The following LYPD8 variants were observed in gnomAD, a reference collection of about 807,000 sequenced individuals.
LYPD8 encodes LY6/PLAUR domain containing 8, also known as ly6/PLAUR domain-containing protein 8.
In LYPD8, 8 loss-of-function variants were observed where a neutral mutation model predicts 1.7. The ratio of observed to expected loss-of-function variants is 4.58; its 90% confidence interval spans 2.69 to 8.27. LYPD8 has a LOEUF of 8.27. Ranked by LOEUF, LYPD8 falls within the 30% of genes most tolerant of loss-of-function variation. The pLI is 0.00. For synonymous variants in LYPD8, 50 were observed against 43.6 expected (o/e 1.15, Z -0.58); for missense variants, 112 against 102.3 (o/e 1.09, Z -0.41).
intron 2 of LYPD8, among the ~76,000 whole-genome samples, chr1:248,752,874 ACC>A (rs1662837600): frequency 9.4e-6 from 1 of 105,852 alleles, no homozygotes; most frequent in Non-Finnish European, 1.8e-5. Flanking sequence ...CACACCACAC[ACC>A]CCACACAACA....
chr1:248,746,045 T>G (rs1662722410), intron 5 of LYPD8, among the ~76,000 whole-genome samples: 1 of 152,212 alleles, frequency 6.6e-6, no homozygotes, highest in East Asian at 1.9e-4. Flanking sequence ...ACTAAAGAAT[T>G]TCCAAAAGGT....
chr1:248,740,715 CATGAAG>C (rs1662578400), intron 6 of LYPD8, among the ~76,000 whole-genome samples: 1 of 150,548 alleles, frequency 6.6e-6, no homozygotes, highest in Non-Finnish European at 1.5e-5. Flanking sequence ...TAGGACCAGG[CATGAAG>C]CAGGGCCACA....
At chr1:248,749,612 A>T (rs1394403370) in intron 4 of LYPD8, among the ~76,000 whole-genome samples, 2 of 152,064 alleles carry the variant, frequency 1.3e-5, no homozygotes, top group Non-Finnish European at 2.9e-5. Flanking sequence ...CCTTTTTATC[A>T]GGAACCCACC....
intron 4 of LYPD8, among the ~76,000 whole-genome samples, 187 bp from the exon 5 acceptor site, chr1:248,748,640 C>G (rs1662750666): frequency 6.6e-6 from 1 of 152,216 alleles, no homozygotes; most frequent in Non-Finnish European, 1.5e-5. Flanking sequence ...GGTAACCCCT[C>G]CTTTGAGCAG....
intron 6 of LYPD8, among the ~76,000 whole-genome samples, chr1:248,742,915 CGGGGG>C (rs1662639715): frequency 2.9e-4 from 22 of 76,988 alleles, no homozygotes; most frequent in South Asian, 2.0e-3. Flanking sequence ...ATGTTGGCAG[CGGGGG>C]AGATTATGCT....
At chr1:248,753,537 C>CAA (rs1572156874) in intron 2 of LYPD8, among the ~76,000 whole-genome samples, 20 of 120,004 alleles carry the variant, frequency 1.7e-4, no homozygotes, top group South Asian at 2.8e-4. Context: ...ACACAACACA[C>CAA]CACATCACAC....
chr1:248,749,126 C>G (rs1572155173), intron 4 of LYPD8, among the ~76,000 whole-genome samples: 1 of 152,166 alleles, frequency 6.6e-6, no homozygotes. Flanking sequence ...AGGAAGCAAT[C>G]AACCACAGCT....
chr1:248,753,886 C>T (rs1426930344), intron 2 of LYPD8, among the ~76,000 whole-genome samples: 325 of 151,190 alleles, frequency 2.1e-3, no homozygotes, highest in African/African-American at 7.5e-3. Context: ...GCATCACACA[C>T]ACACCACACA....
intron 2 of LYPD8, among the ~76,000 whole-genome samples, chr1:248,751,508 A>C (rs1234256678): frequency 6.6e-6 from 1 of 152,122 alleles, no homozygotes; most frequent in Admixed American, 6.5e-5. Flanking sequence ...TCCCTCCTTC[A>C]GCCAGTCTCT....
intron 2 of LYPD8, among the ~76,000 whole-genome samples, chr1:248,752,671 C>T (rs1662823371): frequency 7.6e-6 from 1 of 132,324 alleles, no homozygotes; most frequent in African/African-American, 2.9e-5. Flanking sequence ...ACACACACCA[C>T]ACCACACACA....
At chr1:248,754,811 A>G in intron 2 of LYPD8, among the ~76,000 whole-genome samples, 1 of 152,224 alleles carries the variant, frequency 6.6e-6, no homozygotes, top group South Asian at 2.1e-4. Context: ...GACGTGCGCC[A>G]GCCCCTCACC....
intron 2 of LYPD8, among the ~76,000 whole-genome samples, chr1:248,755,019 A>G (rs948220876): frequency 2.6e-5 from 4 of 152,216 alleles, no homozygotes; most frequent in Non-Finnish European, 5.9e-5. Context: ...CCAGCAGCCC[A>G]TCAAGTGCAC....
chr1:248,753,543 C>T (rs1270695376), intron 2 of LYPD8, among the ~76,000 whole-genome samples: 1 of 114,164 alleles, frequency 8.8e-6, no homozygotes, highest in Non-Finnish European at 1.8e-5. Flanking sequence ...CACACCACAT[C>T]ACACAAAACA....
chr1:248,751,134 A>G lies in LYPD8; in HGVS notation c.-49-4T>C, dbSNP rs1404051859. On this transcript the variant is annotated splice_region_variant and splice_polypyrimidine_tract_variant and intron_variant, in intron 2 of 6. Transcript: ENST00000590317. Reference sequence around the variant, plus strand: ...TGGGGACCACAGGGCCTCAAGCCTGAAAAGACACAAAGAAGGCAGCCCCGG... The same window carrying G: ...TGGGGACCACAGGGCCTCAAGCCTGGAAAGACACAAAGAAGGCAGCCCCGG... 2.5e-6 allele frequency: 1 copy of G among 398,562 alleles called. No individual in the cohort carries two copies. The highest frequency in any genetic ancestry group is 4.4e-6 in the Non-Finnish European group (1 of 226,110). The allele number at this position is 398,562 out of a possible 1,614,324, so 24.7% of individuals were successfully genotyped here. A position where few individuals can be genotyped will look rare whatever the true frequency, so the allele number is the denominator to read the frequency against.
At position 248,739,512 on chromosome 1, in the gene LYPD8, C is replaced by A; in HGVS notation, c.*99G>T. ...GACTCCCACTTACTGGGCAGTTAAACGGGGCAGAGCAGGGAAAGAGGGTGT... is the reference window on the plus strand; with the variant it reads ...GACTCCCACTTACTGGGCAGTTAAAAGGGGCAGAGCAGGGAAAGAGGGTGT... On this transcript the variant is annotated 3_prime_UTR_variant, in exon 7 of 7. Coordinates refer to ENST00000590317, the MANE Select transcript of LYPD8 (RefSeq NM_001085474.2). This position sits in a 1 kb window ranked among gnomAD's most constrained non-coding sequence, Gnocchi z 4.3. 1 of 1,493,208 alleles carries A rather than the reference C, an allele frequency of 6.7e-7. No individual in the cohort carries two copies. The highest frequency in any genetic ancestry group is 1.4e-5 in the African/African-American group (1 of 71,508). 92.5% of individuals were successfully genotyped at this position (1,493,208 alleles called of 1,614,324 possible). A position where few individuals can be genotyped will look rare whatever the true frequency, so the allele number is the denominator to read the frequency against.
At chr1:248,754,370 G>C (rs956543655) in intron 2 of LYPD8, among the ~76,000 whole-genome samples, 14,979 of 142,730 alleles carry the variant, frequency 0.1, 983 homozygotes, top group East Asian at 0.27. Flanking sequence ...CCACACACAC[G>C]ACACATCACA....
chr1:248,745,628 TC>T (rs1662716844), intron 5 of LYPD8, among the ~76,000 whole-genome samples: 1 of 152,328 alleles, frequency 6.6e-6, no homozygotes, highest in South Asian at 2.1e-4. Flanking sequence ...TGTTACTAAA[TC>T]CTGCTCTGAA....
intron 6 of LYPD8, chr1:248,740,060 A>G (rs1278082294): frequency 5.6e-6 from 1 of 177,412 alleles, no homozygotes; most frequent in Non-Finnish European, 1.1e-5. Context: ...TCAGAGGCCT[A>G]GACTCCCACC....
chr1:248,739,419 G>T lies in LYPD8; in HGVS notation c.*192C>A. The T allele has an allele frequency of 1.4e-6, 1 of 739,476 alleles. No individual in the cohort carries two copies. The highest frequency in any genetic ancestry group is 2.2e-6 in the Non-Finnish European group (1 of 463,066). The allele number at this position is 739,476 out of a possible 1,614,324, so 45.8% of individuals were successfully genotyped here. ...CCCAGAATGCATCAGGACAGATTTG[G>T]GCAGTGAATGAACCAGTGCTTTAAT... On this transcript the variant is annotated 3_prime_UTR_variant, in exon 7 of 7. Transcript: ENST00000590317. This position sits in a 1 kb window ranked among gnomAD's most constrained non-coding sequence, Gnocchi z 4.3.
Sources: gnomAD v4.1 joint callset for allele counts (sites outside exome capture counted in the v4.1 genomes callset) on GRCh38, gnomAD v4.1.1 for gene constraint, Gnocchi (gnomAD v3.1) non-coding constraint, MANE v1.5 for transcripts, NCBI Gene and HGNC (gene_info 2026-07-23, HGNC 2026-07-21) for gene names.